The following RSPH10B variants were observed in gnomAD, a reference collection of about 807,000 sequenced individuals.
RSPH10B encodes radial spoke head 10 homolog B (Chlamydomonas).
RSPH10B carries 7 observed loss-of-function variants against 52.5 expected under a neutral mutation model. That is an observed-to-expected ratio of 0.13 (90% CI 0.08 to 0.25). The LOEUF (loss-of-function observed/expected upper bound fraction) is 0.25. RSPH10B is among the 10% of genes least tolerant of loss of function. The pLI is 1.00. For synonymous variants in RSPH10B, 28 were observed against 193.2 expected, an observed-to-expected ratio of 0.14 and a Z score of 7.09; for missense variants, 89 against 542.5, an observed-to-expected ratio of 0.16 and a Z score of 8.30.
chr7:5,927,022 C>CGCGTGTGTGTGTGTGTGTGT (rs1554284429), intron 18 of RSPH10B, among the ~76,000 whole-genome samples: 12 of 96,006 alleles, frequency 1.2e-4, no homozygotes, highest in African/African-American at 5.2e-4. Flanking sequence ...CCCAAAGTTA[C>CGCGTGTGTGTGTGTGTGTGT]GTGTGTGTGT....
Position 5,940,942 on chromosome 7 carries a change from A to AATTATT in RSPH10B, c.1759-2119_1759-2114dup, listed in dbSNP as rs752116609. Among the ~76,000 whole-genome samples the AATTATT allele has an allele frequency of 2.0e-4, 9 of 45,976 alleles. 1 individual carries two copies. The highest frequency in any genetic ancestry group is 3.7e-4 in the African/African-American group (7 of 18,750). 30.2% of individuals were successfully genotyped at this position (45,976 alleles called of 152,430 possible). On this transcript the variant is annotated intron_variant, in intron 13 of 18. Coordinates refer to ENST00000337579, the Ensembl canonical transcript of RSPH10B. The stretch of plus-strand genomic sequence containing the variant: ...CTGTCAAAATAATAATAATAATAAT[A>AATTATT]ATTATTATTATTATTATTATTATTA...
At chr7:5,940,936 A>ATT (rs1562565137) in intron 13 of RSPH10B, among the ~76,000 whole-genome samples, 10 of 71,902 alleles carry the variant, frequency 1.4e-4, no homozygotes, top group Admixed American at 9.4e-4. Context: ...TAATAATAAT[A>ATT]ATAATAATTA....
chr7:5,926,909 C>G (rs1446933046), intron 18 of RSPH10B, among the ~76,000 whole-genome samples: 46 of 143,750 alleles, frequency 3.2e-4, no homozygotes, highest in African/African-American at 9.7e-4. Context: ...CTTCCGCTAC[C>G]ACGCCCGGCT....
Position 5,957,872 on chromosome 7 carries a change from C to G in RSPH10B, c.780+35G>C. 8 of 1,304,872 alleles carry G rather than the reference C, an allele frequency of 6.1e-6. 1 individual carries two copies. Among genetic ancestry groups the G allele is most frequent in the Non-Finnish European group, 8.1e-6 (8 of 991,086 alleles). 80.8% of individuals were successfully genotyped at this position (1,304,872 alleles called of 1,614,324 possible). On this transcript the variant is annotated intron_variant, in intron 6 of 18. Transcript: ENST00000337579. ...TGTTGAGAATCGGCGGAGCATCCGCCTCTGGGTATAAGCTGCTACCCCGCC... is the reference window on the plus strand; with the variant it reads ...TGTTGAGAATCGGCGGAGCATCCGCGTCTGGGTATAAGCTGCTACCCCGCC...
intron 17 of RSPH10B, among the ~76,000 whole-genome samples, chr7:5,930,761 C>CATGT (rs1779719479): frequency 3.8e-5 from 1 of 26,592 alleles, no homozygotes; most frequent in African/African-American, 1.6e-4. Context: ...AGAAGGTGAG[C>CATGT]ACGTACACAG....
At chr7:5,961,066 C>G in intron 3 of RSPH10B, among the ~76,000 whole-genome samples, 1 of 90,816 alleles carries the variant, frequency 1.1e-5, no homozygotes, top group Non-Finnish European at 2.3e-5. Flanking sequence ...TCTGACCCGA[C>G]CAGTGGGCGG....
intron 5 of RSPH10B, among the ~76,000 whole-genome samples, 192 bp downstream of exon 7, chr7:5,958,801 G>A (rs1192332619): frequency 7.2e-6 from 1 of 138,180 alleles, no homozygotes; most frequent in Non-Finnish European, 1.6e-5. Flanking sequence ...AGCTGAGATG[G>A]CACCACTGCA....
At chr7:5,940,515 C>CA (rs1241098958) in intron 13 of RSPH10B, among the ~76,000 whole-genome samples, 3 of 2,676 alleles carry the variant, frequency 1.1e-3, no homozygotes, top group Admixed American at 8.8e-3. Context: ...AACACAACAA[C>CA]AAAAAAAAAA....
chr7:5,942,938 G>T (rs1780282446), intron 13 of RSPH10B, among the ~76,000 whole-genome samples: 1 of 143,020 alleles, frequency 7.0e-6, no homozygotes, highest in African/African-American at 2.6e-5. Context: ...TTTTTTTTAA[G>T]ACAATGGCCC....
chr7:5,927,051 TGTGTGTGTGTGTGTGTA>T (rs1779492885), intron 18 of RSPH10B, among the ~76,000 whole-genome samples: 2 of 20,090 alleles, frequency 1.0e-4, no homozygotes, highest in Non-Finnish European at 9.7e-5. Flanking sequence ...GTGTGTATTA[TGTGTGTGTGTGTGTGTA>T]TATGTGTGTG....
At chr7:5,968,606 A>T (rs1340451479), upstream of RSPH10B, among the ~76,000 whole-genome samples, 4 of 69,542 alleles carry the variant, frequency 5.8e-5, no homozygotes, top group African/African-American at 1.4e-4. Flanking sequence ...TCCCGGGTTC[A>T]TGCCATTCTC....
intron 6 of RSPH10B, among the ~76,000 whole-genome samples, chr7:5,956,749 A>C (rs1259848477): frequency 3.6e-5 from 5 of 137,896 alleles, no homozygotes; most frequent in Admixed American, 7.7e-5. Flanking sequence ...TTATATTTTT[A>C]GTAGAGATGG....
intron 18 of RSPH10B, among the ~76,000 whole-genome samples, chr7:5,926,967 C>T (rs1472959005): frequency 1.3e-5 from 2 of 150,988 alleles, no homozygotes; most frequent in African/African-American, 4.9e-5. Flanking sequence ...GTTGGCCAGG[C>T]TGGTCTCAAA....
chr7:5,950,377 C>A (rs1345730985), intron 9 of RSPH10B, among the ~76,000 whole-genome samples: 2 of 151,314 alleles, frequency 1.3e-5, no homozygotes, highest in African/African-American at 2.4e-5. Flanking sequence ...TCGAGACCAG[C>A]CTGGGCAACA....
At chr7:5,941,456 T>C (rs1307844595) in intron 13 of RSPH10B, among the ~76,000 whole-genome samples, 1 of 146,980 alleles carries the variant, frequency 6.8e-6, no homozygotes, top group Non-Finnish European at 1.5e-5. Context: ...AAAAGTACCA[T>C]GGAACAGGCC....
intron 18 of RSPH10B, chr7:5,927,901 A>G: frequency 2.0e-6 from 1 of 496,874 alleles, no homozygotes; most frequent in South Asian, 2.0e-5. Flanking sequence ...ATACCACCCC[A>G]CTCTAGCCTG....
At position 5,963,489 on chromosome 7, in the gene RSPH10B, GT is replaced by G. The variant is rs1270817799; in HGVS notation, c.399+1012del. The G allele has an allele frequency of 9.9e-5, 11 of 111,258 alleles. No homozygotes were observed. The East Asian group carries it at 2.7e-3, about 27-fold the overall frequency. 6.9% of individuals were successfully genotyped at this position (111,258 alleles called of 1,614,324 possible). ...GCCTGTGTGTTATTTGAATAAGTGCGTTATGCGCATGTGTTTTAAATGTCAT... is the reference window on the plus strand; with the variant it reads ...GCCTGTGTGTTATTTGAATAAGTGCGTATGCGCATGTGTTTTAAATGTCAT... On this transcript the variant is annotated intron_variant, in intron 3 of 18. Transcript: ENST00000337579.
At chr7:5,931,647 G>C (rs1372386063) in intron 17 of RSPH10B, among the ~76,000 whole-genome samples, 1 of 150,590 alleles carries the variant, frequency 6.6e-6, no homozygotes, top group Non-Finnish European at 1.5e-5. Context: ...AGGAGTTCTT[G>C]GATCCAGGAG....
exon 6 of RSPH10B, chr7:5,957,909 G>C: frequency 7.5e-7 from 1 of 1,328,558 alleles, no homozygotes; most frequent in South Asian, 1.5e-5. Context: ...GGGCGTACCT[G>C]GATGCCCCTC....
Sources: gnomAD v4.1 joint callset for allele counts (sites outside exome capture counted in the v4.1 genomes callset) on GRCh38, gnomAD v4.1.1 for gene constraint, MANE v1.5 for transcripts, NCBI Gene and HGNC (gene_info 2026-07-23, HGNC 2026-07-21) for gene names.